Variants in CUX1 observed in about 807,000 individuals in gnomAD.
CUX1 encodes cut like homeobox 1, also known as protein CASP.
CUX1 carries 31 observed loss-of-function variants against 158.8 expected under a neutral mutation model. The ratio of observed to expected loss-of-function variants is 0.20; its 90% confidence interval spans 0.15 to 0.26. CUX1 has a LOEUF of 0.26. CUX1 is among the 10% of genes least tolerant of loss of function. The probability of loss-of-function intolerance (pLI) is 1.00; values close to 1 mark genes in which losing one functional copy is unlikely to be tolerated. For synonymous variants in CUX1, 879 were observed against 862.1 expected (o/e 1.02, Z -0.34); for missense variants, 1,589 against 2,014.6 (o/e 0.79, Z 4.04).
At chr7:101,902,867 C>T (rs1802304299) in intron 1 of CUX1, among the ~76,000 whole-genome samples, 1 of 152,188 alleles carries the variant, frequency 6.6e-6, no homozygotes, top group African/African-American at 2.4e-5. Flanking sequence ...TCCGCCTCAG[C>T]CTCCCGAGTA....
chr7:102,153,924 AAGC>A (rs2131532078), intron 8 of CUX1: 2 of 152,438 alleles, frequency 1.3e-5, no homozygotes, highest in African/African-American at 4.8e-5. Context: ...TGGCAGTGTG[AAGC>A]GAAACCAACA....
chr7:102,009,027 A>G (rs1404865421), intron 2 of CUX1, among the ~76,000 whole-genome samples: 2 of 152,166 alleles, frequency 1.3e-5, no homozygotes, highest in Admixed American at 1.3e-4. Context: ...GCAGGTCTGC[A>G]TGATTAACCT....
chr7:101,979,589 T>C (rs1196527521), intron 2 of CUX1, among the ~76,000 whole-genome samples: 1 of 152,056 alleles, frequency 6.6e-6, no homozygotes, highest in Admixed American at 6.5e-5. Context: ...CAGCTATCTT[T>C]AGGAGGTTTG....
intron 1 of CUX1, among the ~76,000 whole-genome samples, chr7:101,845,366 G>A (rs908348830): frequency 6.6e-6 from 1 of 152,082 alleles, no homozygotes; most frequent in Non-Finnish European, 1.5e-5. Context: ...ACGAATTGGC[G>A]ATTGTTGAGA....
chr7:101,862,181 A>G lies in CUX1; in HGVS notation c.30+44512A>G, dbSNP rs76893932. On this transcript the variant is annotated intron_variant, in intron 1 of 23. Coordinates refer to ENST00000292535, the MANE Select transcript of CUX1 (RefSeq NM_181552.4). ...TTCCTTTGAATTTTTTTTTCTCTGA[A>G]TAAATGGATTGATGATATCTATTGA... Among the ~76,000 whole-genome samples, 51 of 151,942 alleles carry G rather than the reference A, an allele frequency of 3.4e-4. No homozygotes were observed. The East Asian group carries it at 9.3e-3, about 28-fold the overall frequency.
intron 3 of CUX1, among the ~76,000 whole-genome samples, chr7:102,031,596 A>G (rs1820790793): frequency 6.6e-6 from 1 of 151,928 alleles, no homozygotes; most frequent in Non-Finnish European, 1.5e-5. Flanking sequence ...CCCACAAAAG[A>G]AAGGTAATTT....
At chr7:102,161,998 G>T (rs1554507300) in intron 9 of CUX1, among the ~76,000 whole-genome samples, 1 of 152,122 alleles carries the variant, frequency 6.6e-6, no homozygotes, top group East Asian at 1.9e-4. Context: ...GGACAGGGAG[G>T]GGCTCTAACA....
chr7:101,928,582 T>C (rs1805900346), intron 2 of CUX1, among the ~76,000 whole-genome samples: 1 of 151,478 alleles, frequency 6.6e-6, no homozygotes, highest in South Asian at 2.1e-4. Context: ...GCCAGGTTGG[T>C]CTCAAATTCC....
intron 4 of CUX1, among the ~76,000 whole-genome samples, chr7:102,084,044 C>T (rs1025883300): frequency 6.9e-6 from 1 of 145,806 alleles, no homozygotes; most frequent in Admixed American, 7.0e-5. Flanking sequence ...TGCCACCACA[C>T]CCAGCTAATT....
intron 14 of CUX1, among the ~76,000 whole-genome samples, chr7:102,265,725 C>T (rs1725600): frequency 0.2 from 30,319 of 152,082 alleles, 3,097 homozygotes; most frequent in South Asian, 0.32. Context: ...GAGACAGTTG[C>T]ACCCGACCAA....
exon 23 of CUX1, chr7:102,283,465 G>T (rs1792270587): frequency 3.8e-6 from 1 of 262,740 alleles, no homozygotes; most frequent in African/African-American, 2.1e-5. Context: ...GGGCCTGTCT[G>T]CACTGCGATC....
chr7:101,883,684 C>G (rs1451547899), intron 1 of CUX1, among the ~76,000 whole-genome samples: 3 of 151,550 alleles, frequency 2.0e-5, no homozygotes, highest in Non-Finnish European at 4.4e-5. Context: ...TGATCTCCCC[C>G]TCCCAGGTTC....
chr7:101,978,410 C>G (rs1427745601), intron 2 of CUX1, among the ~76,000 whole-genome samples: 1 of 152,228 alleles, frequency 6.6e-6, no homozygotes, highest in South Asian at 2.1e-4. Flanking sequence ...CCCCGACATG[C>G]CTGGTCCACC....
At position 102,195,607 on chromosome 7, in the gene CUX1, G is replaced by A; in HGVS notation, c.1222+4G>A. 1 of 1,602,084 alleles carries A rather than the reference G, an allele frequency of 6.2e-7. No individual in the cohort carries two copies. The highest frequency in any genetic ancestry group is 2.2e-5 in the East Asian group (1 of 44,490). ...ATCTCCAACAGCGACCTGAGCGGTA[G>A]GTTGGCCGGGCTTCGCGCGTGTGCG... On this transcript the variant is annotated splice_donor_region_variant and intron_variant, in intron 14 of 23. Coordinates refer to ENST00000292535, the MANE Select transcript of CUX1 (RefSeq NM_181552.4).
intron 11 of CUX1, among the ~76,000 whole-genome samples, chr7:102,184,044 C>T (rs1471140501): frequency 6.6e-6 from 1 of 151,898 alleles, no homozygotes; most frequent in Non-Finnish European, 1.5e-5. Flanking sequence ...ACTACAGGCA[C>T]ACGCCACCAC....
At chr7:101,959,568 T>C (rs1488291553) in intron 2 of CUX1, 2 of 152,170 alleles carry the variant, frequency 1.3e-5, no homozygotes, top group Non-Finnish European at 2.9e-5. Flanking sequence ...GCCTTCCGCT[T>C]TTAGAGCAAC....
intron 2 of CUX1, among the ~76,000 whole-genome samples, chr7:101,946,531 C>T (rs561947643): frequency 1.1e-3 from 131 of 114,584 alleles, no homozygotes; most frequent in South Asian, 6.5e-3. Context: ...GTGACAAGAG[C>T]GAGACTCCGT....
rs142280724 is a variant in CUX1 at position 102,225,282 on chromosome 7, C to T, written c.3131-2085C>T. 4.6e-5 allele frequency among the ~76,000 whole-genome samples: 7 copies of T among 152,248 alleles called. No individual in the cohort carries two copies. In the East Asian group the frequency reaches 9.6e-4, roughly 21 times the overall value. On this transcript the variant is annotated intron_variant, in intron 20 of 23. Transcript: ENST00000292535. ...GGCGGAAGTTTGTGCCGGTTCAGGA[C>T]GATAAACGGGTTGATCGCTTAAGTT...
chr7:102,007,564 T>C (rs537681051), intron 2 of CUX1, among the ~76,000 whole-genome samples: 1 of 151,710 alleles, frequency 6.6e-6, no homozygotes, highest in African/African-American at 2.4e-5. Context: ...GCACCCCTCC[T>C]GTCTGGCTTG....
Sources: gnomAD v4.1 joint callset for allele counts (sites outside exome capture counted in the v4.1 genomes callset) on GRCh38, gnomAD v4.1.1 for gene constraint, MANE v1.5 for transcripts, NCBI Gene and HGNC (gene_info 2026-07-23, HGNC 2026-07-21) for gene names.